ARHGEF2: variants seen among roughly 807,000 people sequenced by gnomAD.
The protein encoded by ARHGEF2 is rho guanine nucleotide exchange factor 2.
Under a neutral mutation model 121.0 loss-of-function variants are expected in ARHGEF2, and 22 were observed. That is an observed-to-expected ratio of 0.18 (90% CI 0.13 to 0.26). The LOEUF (loss-of-function observed/expected upper bound fraction) is 0.26. Ranked by LOEUF, ARHGEF2 falls within the 10% of genes least tolerant of loss-of-function variation. The pLI is 1.00. For synonymous variants in ARHGEF2, 487 were observed against 530.0 expected, an observed-to-expected ratio of 0.92 and a Z score of 1.11; for missense variants, 907 against 1,336.0, an observed-to-expected ratio of 0.68 and a Z score of 5.01.
At chr1:155,966,757 G>C (rs1052864393) in intron 3 of ARHGEF2, 63 bp downstream of exon 3, 13 of 1,463,374 alleles carry the variant, frequency 8.9e-6, no homozygotes, top group Non-Finnish European at 1.2e-5. Flanking sequence ...AATGGAAAAG[G>C]CATGAGGGTA....
chr1:155,963,674 TA>T lies in ARHGEF2; in HGVS notation c.725-492del, dbSNP rs1270218195. 3.3e-4 allele frequency among the ~76,000 whole-genome samples: 15 copies of T among 45,354 alleles called. No homozygotes were observed. In the East Asian group the frequency reaches 0.034, roughly 102 times the overall value. The allele number at this position is 45,354 out of a possible 152,430, so 29.8% of individuals were successfully genotyped here. A position where few individuals can be genotyped will look rare whatever the true frequency, so the allele number is the denominator to read the frequency against. On this transcript the variant is annotated intron_variant, in intron 7 of 21. Transcript: ENST00000361247. ...TTTTATCTTTCAAAAATTTTATTAT[TA>T]TTTTTTTTTTTCCAGAAATGAGGTC...
intron 7 of ARHGEF2, 80 bp from the exon 8 acceptor site, chr1:155,963,263 T>A (rs1393177421): frequency 1.4e-6 from 2 of 1,434,942 alleles, no homozygotes; most frequent in Admixed American, 3.7e-5. Context: ...GACCTCACAG[T>A]TCACGTGAGG....
chr1:155,976,480 T>A (rs1411074780), intron 1 of ARHGEF2, among the ~76,000 whole-genome samples: 9 of 118,136 alleles, frequency 7.6e-5, no homozygotes, highest in Non-Finnish European at 1.3e-4. Flanking sequence ...CCAGCCCCCA[T>A]AGTAGAAAGA....
intron 14 of ARHGEF2, among the ~76,000 whole-genome samples, chr1:155,954,197 G>A (rs1676125595): frequency 6.7e-6 from 1 of 149,094 alleles, no homozygotes; most frequent in Admixed American, 6.8e-5. Context: ...GACTGGTCTC[G>A]AACTCCTGAC....
intron 2 of ARHGEF2, 29 bp from the exon 3 acceptor site, chr1:155,966,916 G>A: frequency 6.2e-7 from 1 of 1,607,328 alleles, no homozygotes; most frequent in Middle Eastern, 1.7e-4. Flanking sequence ...GAGGGTGAAG[G>A]GAGGGCCGGG....
chr1:155,978,210 T>TGCCCCCCCCCC lies in ARHGEF2; in HGVS notation c.63+154_63+155insGGGGGGGGGGC. The TGCCCCCCCCCC allele has an allele frequency of 1.5e-6, 2 of 1,295,512 alleles. No individual in the cohort carries two copies. Among genetic ancestry groups the TGCCCCCCCCCC allele is most frequent in the Non-Finnish European group, 9.9e-7 (1 of 1,008,884 alleles). 80.3% of individuals were successfully genotyped at this position (1,295,512 alleles called of 1,614,324 possible). On this transcript the variant is annotated intron_variant, in intron 1 of 21. Transcript: ENST00000361247. The surrounding 1 kb of genome is among the most constrained non-coding windows in gnomAD (Gnocchi z 4.1). ...CCCACCCCTACCCACTCGCTCGCAG[T>TGCCCCCCCCCC]CCCCACCCACCCCGTCCCGCCGCTC... is the stretch of plus-strand genomic sequence containing the variant.
At chr1:155,964,210 A>G (rs1217148992) in intron 7 of ARHGEF2, among the ~76,000 whole-genome samples, 6 of 134,538 alleles carry the variant, frequency 4.5e-5, no homozygotes, top group South Asian at 2.3e-4. Context: ...ATATATATAT[A>G]TATATATTTT....
At position 155,950,526 on chromosome 1, in the gene ARHGEF2, A is replaced by G; in HGVS notation, c.2704-44T>C. 1 of 1,591,102 alleles carries G rather than the reference A, an allele frequency of 6.3e-7. No homozygotes were observed. The highest frequency in any genetic ancestry group is 8.6e-7 in the Non-Finnish European group (1 of 1,162,502). On this transcript the variant is annotated intron_variant, in intron 20 of 21. Coordinates refer to ENST00000361247, the MANE Select transcript of ARHGEF2 (RefSeq NM_001162383.2). This position sits in a 1 kb window ranked among gnomAD's most constrained non-coding sequence, Gnocchi z 5.2. Reference sequence around the variant, plus strand: ...AAGAACAGCAGGTCAGGGACTGAGTAGTGTGAAGATTGGAGGTTCTGCTTG... The same window carrying G: ...AAGAACAGCAGGTCAGGGACTGAGTGGTGTGAAGATTGGAGGTTCTGCTTG...
intron 16 of ARHGEF2, 48 bp downstream of exon 16, chr1:155,952,066 AAC>A: frequency 1.9e-6 from 3 of 1,613,908 alleles, no homozygotes; most frequent in Non-Finnish European, 8.5e-7. Context: ...CCACTCTACT[AAC>A]TTTGGCCCCT....
chr1:155,978,855 C>G, upstream of ARHGEF2: 2 of 985,150 alleles, frequency 2.0e-6, no homozygotes, highest in Non-Finnish European at 2.4e-6. This position sits in a 1 kb window ranked among gnomAD's most constrained non-coding sequence, Gnocchi z 4.1. Flanking sequence ...TTCCCCTCTG[C>G]CCTCCCCTTC....
chr1:155,955,618 C>T (rs1046118611), intron 13 of ARHGEF2, among the ~76,000 whole-genome samples: 17 of 152,158 alleles, frequency 1.1e-4, no homozygotes, highest in African/African-American at 3.4e-4. Context: ...TAATATCTTC[C>T]TCATAGGTTT....
chr1:155,961,632 T>G lies in ARHGEF2; in HGVS notation c.1468+29A>C. On this transcript the variant is annotated intron_variant, in intron 11 of 21. Coordinates refer to ENST00000361247, the MANE Select transcript of ARHGEF2 (RefSeq NM_001162383.2). This position sits in a 1 kb window ranked among gnomAD's most constrained non-coding sequence, Gnocchi z 4.7. ...TCCCACTCTCCATCTGACTTTGAAT[T>G]CCTGCCTAGTCTGCCGAGCAGGTCT... The G allele has an allele frequency of 6.3e-7, 1 of 1,593,176 alleles. No homozygotes were observed.
chr1:155,947,982 G>A lies in ARHGEF2; in HGVS notation c.2921C>T (p.Thr974Met), dbSNP rs539158271. 1.5e-5 allele frequency: 24 copies of A among 1,551,136 alleles called. No individual in the cohort carries two copies. In the African/African-American group the frequency reaches 2.2e-4, roughly 14 times the overall value. Residue 974 changes from threonine (T) to methionine (M), a missense_variant, in exon 22 of 22, where the codon ACG (threonine) becomes ATG (methionine). Thr to Met is a moderately conservative substitution (Grantham distance 81). This residue lies in a region of ARHGEF2 where 432 missense variants were observed against 559.5 expected (regional missense o/e 0.77). Coordinates refer to ENST00000361247, the MANE Select transcript of ARHGEF2 (RefSeq NM_001162383.2). ...FTRMQDIPEE[T>M]ESRDGEAVAS... The stretch of plus-strand genomic sequence containing the variant: ...TACAGCCTCCCCGTCGCGGCTCTCC[G>A]TCTCCTCCGGGATGTCCTGCATTCT...
rs1410711447 is a variant in ARHGEF2 at position 155,962,375 on chromosome 1, T to C, written c.1102-153A>G. ...TGGGGATAACAACGCCACAGGTTTG[T>C]TGTGAGGACCAACTGAAGGAGCAAA... On this transcript the variant is annotated intron_variant, in intron 9 of 21. Transcript: ENST00000361247. This position sits in a 1 kb window ranked among gnomAD's most constrained non-coding sequence, Gnocchi z 5.8. The C allele has an allele frequency of 9.8e-7, 1 of 1,021,950 alleles. No individual in the cohort carries two copies. The highest frequency in any genetic ancestry group is 2.4e-5 in the East Asian group (1 of 40,858). The allele number at this position is 1,021,950 out of a possible 1,614,324, so 63.3% of individuals were successfully genotyped here.
intron 1 of ARHGEF2, chr1:155,969,975 G>T: frequency 1.0e-6 from 1 of 985,336 alleles, no homozygotes; most frequent in Non-Finnish European, 1.2e-6. Context: ...TAACCTTGAG[G>T]CAAAGGCAGC....
chr1:155,969,077 CCAGGCAGAAAAAACAGATGAA>C, intron 2 of ARHGEF2, 58 bp downstream of exon 2: 1 of 1,560,708 alleles, frequency 6.4e-7, no homozygotes, highest in Non-Finnish European at 8.8e-7. Context: ...CCTCATGGAT[CCAGGCAGAAAAAACAGATGAA>C]AAGATCAGGG....
chr1:155,953,216 A>T (rs1185331166), intron 14 of ARHGEF2, among the ~76,000 whole-genome samples: 5 of 149,546 alleles, frequency 3.3e-5, no homozygotes, highest in Non-Finnish European at 7.4e-5. Flanking sequence ...AGTGAGGCCG[A>T]GATCACACCA....
rs146856251 is a variant in ARHGEF2, at chr1:155,955,913, G to A, written c.1716-944C>T. Among the ~76,000 whole-genome samples, 694 of 151,826 alleles carry A rather than the reference G, an allele frequency of 4.6e-3. 8 individuals are homozygous for A. The highest frequency in any genetic ancestry group is 0.016 in the African/African-American group (666 of 41,382). On this transcript the variant is annotated intron_variant, in intron 13 of 21. Transcript: ENST00000361247. ...ATATTTTTAGTAGAGACAGGGTTTC[G>A]CCATGTTGGCCAGGCTGGTCTCGAA...
chr1:155,962,543 G>A lies in ARHGEF2; in HGVS notation c.1101+50C>T. 1 of 1,605,290 alleles carries A rather than the reference G, an allele frequency of 6.2e-7. No individual in the cohort carries two copies. On this transcript the variant is annotated intron_variant, in intron 9 of 21. Transcript: ENST00000361247. This position sits in a 1 kb window ranked among gnomAD's most constrained non-coding sequence, Gnocchi z 5.8. ...TCACAGGCACTACCCCCATGAGTTG[G>A]GGAGGGTGGGTTTGGGCCATGAGCA...
Sources: allele counts gnomAD v4.1 joint callset (sites outside exome capture counted in the v4.1 genomes callset), GRCh38; gene constraint gnomAD v4.1.1; regional missense constraint gnomAD v4.1.1; non-coding constraint Gnocchi (gnomAD v3.1); transcripts MANE v1.5; gene names NCBI Gene and HGNC (gene_info 2026-07-23, HGNC 2026-07-21).